ZNF616: variants seen among roughly 807,000 people sequenced by gnomAD.
The protein encoded by ZNF616 is zinc finger protein 616.
Under a neutral mutation model 7.6 loss-of-function variants are expected in ZNF616, and 5 were observed. That is an observed-to-expected ratio of 0.66 (90% CI 0.34 to 1.38). ZNF616 has a LOEUF of 1.38. Ranked by LOEUF, ZNF616 falls within the 40% of genes most tolerant of loss-of-function variation. The pLI is 0.04. For synonymous variants in ZNF616, 319 were observed against 317.2 expected (o/e 1.01, Z -0.06); for missense variants, 913 against 948.3 (o/e 0.96, Z 0.49).
chr19:52,118,624 GA>G (rs1354858803), intron 3 of ZNF616, among the ~76,000 whole-genome samples: 1 of 152,202 alleles, frequency 6.6e-6, no homozygotes, highest in East Asian at 1.9e-4. Context: ...CCAGATCTGT[GA>G]AAAGGGAATT....
rs189286622 is a variant in ZNF616, at chr19:52,137,284, G to T, written c.-77+2448C>A. On this transcript the variant is annotated intron_variant, in intron 1 of 3. Coordinates refer to ENST00000600228, the MANE Select transcript of ZNF616 (RefSeq NM_178523.5). ...AAAAAATACAAAAAATTAGCCGGGC[G>T]TGGTGGCGGGTGCCTATAGTCCCAG... 3.3e-5 allele frequency among the ~76,000 whole-genome samples: 5 copies of T among 151,782 alleles called. No homozygotes were observed. The East Asian group carries it at 9.7e-4, about 29-fold the overall frequency.
intron 1 of ZNF616, among the ~76,000 whole-genome samples, chr19:52,136,298 T>C (rs892768733): frequency 1.3e-5 from 2 of 151,996 alleles, no homozygotes; most frequent in Non-Finnish European, 2.9e-5. Context: ...CTGACCAACA[T>C]GGTGAAACCC....
rs766664801 is a variant in ZNF616 at position 52,115,635 on chromosome 19, A to G, written c.1529T>C (p.Val510Ala). 3 of 1,613,392 alleles carry G rather than the reference A, an allele frequency of 1.9e-6. No homozygotes were observed. In the Admixed American group the frequency reaches 5.0e-5, roughly 27 times the overall value. ...CTCTCCAGTATGAATTCTCCGATGC[A>G]CTGCAAGACGTGAATGTTGACTGAA... is the stretch of plus-strand genomic sequence containing the variant. ...KVFSQHSRLAVHRRIHTGEKP... is the reference protein window; with the variant it reads ...KVFSQHSRLAAHRRIHTGEKP... The change falls in exon 4 of 4, where the codon GTG (valine) becomes GCG (alanine). Residue 510 changes from valine (V) to alanine (A), a missense_variant. By Grantham distance (64) the Val-to-Ala change is moderately conservative. Coordinates refer to ENST00000600228, the MANE Select transcript of ZNF616 (RefSeq NM_178523.5).
Position 52,114,730 on chromosome 19 carries a change from T to C in ZNF616, c.*88A>G. The C allele has an allele frequency of 6.9e-7, 1 of 1,451,406 alleles. No individual in the cohort carries two copies. Among genetic ancestry groups the C allele is most frequent in the South Asian group, 1.4e-5 (1 of 70,702 alleles). 89.9% of individuals were successfully genotyped at this position (1,451,406 alleles called of 1,614,324 possible). On this transcript the variant is annotated 3_prime_UTR_variant, in exon 4 of 4. Coordinates refer to ENST00000600228, the MANE Select transcript of ZNF616 (RefSeq NM_178523.5). ...CACCTCCAATACTGGAGATTACAAT[T>C]CCACAGGGATTTCAAGAGAAGGGGT...
chr19:52,128,944 A>T (rs1374287757), intron 2 of ZNF616, among the ~76,000 whole-genome samples: 3 of 151,722 alleles, frequency 2.0e-5, no homozygotes, highest in Non-Finnish European at 4.4e-5. Context: ...CAGAACAGCT[A>T]AAATCTCATT....
Position 52,115,729 on chromosome 19 carries a change from G to A in ZNF616, c.1435C>T (p.Arg479Ter), listed in dbSNP as rs146384479. The A allele has an allele frequency of 2.7e-4, 437 of 1,610,530 alleles. No homozygotes were observed. The highest frequency in any genetic ancestry group is 9.9e-4 in the Middle Eastern group (6 of 6,036). ...TGAATTCTCTGATGAGCTGCAAGTC[G>A]TGAATGTATGCTGAAAACTTTGCCA... is the stretch of plus-strand genomic sequence containing the variant. ...ECGKVFSIHS[R>*]LAAHQRIHTG... Residue 479 changes from arginine (R) to a stop codon, truncating the protein, a stop_gained, in exon 4 of 4, where the codon CGA becomes TGA. Transcript: ENST00000600228. LOFTEE classifies it low-confidence loss of function (END_TRUNC).
chr19:52,116,673 T>A lies in ZNF616; in HGVS notation c.491A>T (p.Asn164Ile). Residue 164 changes from asparagine (N) to isoleucine (I), a missense_variant, in exon 4 of 4, where the codon AAT becomes ATT. Asn to Ile is a moderately radical substitution (Grantham distance 149, BLOSUM62 -3). Coordinates refer to ENST00000600228, the MANE Select transcript of ZNF616 (RefSeq NM_178523.5). ...VQTEGRLYECNETEKTGNNGC... is the reference protein window; with the variant it reads ...VQTEGRLYECIETEKTGNNGC... ...ATTATTACCTGTCTTCTCCGTTTCA[T>A]TACATTCATAAAGTCTCCCTTCAGT... 1 of 1,614,186 alleles carries A rather than the reference T, an allele frequency of 6.2e-7. No individual in the cohort carries two copies. Among genetic ancestry groups the A allele is most frequent in the Non-Finnish European group, 8.5e-7 (1 of 1,180,032 alleles).
intron 1 of ZNF616, among the ~76,000 whole-genome samples, chr19:52,130,873 T>A (rs1456843042): frequency 6.6e-6 from 1 of 152,204 alleles, no homozygotes; most frequent in Non-Finnish European, 1.5e-5. Flanking sequence ...TCAAACCCCA[T>A]GCAGCGCACA....
In ZNF616 at chr19:52,139,684, A is replaced by T. The variant is rs2089041684; in HGVS notation, c.-77+48T>A. ...GGCAGAAAGGCAGGGGGCAAGGAACAGCCTGAGAGAGATTTTAAACCGACA... is the reference window on the plus strand; with the variant it reads ...GGCAGAAAGGCAGGGGGCAAGGAACTGCCTGAGAGAGATTTTAAACCGACA... On this transcript the variant is annotated intron_variant, in intron 1 of 3. Coordinates refer to ENST00000600228, the MANE Select transcript of ZNF616 (RefSeq NM_178523.5). The surrounding 1 kb of genome is among the most constrained non-coding windows in gnomAD (Gnocchi z 4.1). 6.6e-6 allele frequency: 1 copy of T among 152,310 alleles called. No homozygotes were observed. The highest frequency in any genetic ancestry group is 1.5e-5 in the Non-Finnish European group (1 of 68,104). 9.4% of individuals were successfully genotyped at this position (152,310 alleles called of 1,614,324 possible). A position where few individuals can be genotyped will look rare whatever the true frequency, so the allele number is the denominator to read the frequency against.
In ZNF616 at chr19:52,116,073, T is replaced by C; in HGVS notation, c.1091A>G (p.His364Arg). 6.2e-7 allele frequency: 1 copy of C among 1,614,248 alleles called. No individual in the cohort carries two copies. Among genetic ancestry groups the C allele is most frequent in the African/African-American group, 1.3e-5 (1 of 75,058 alleles). The change falls in exon 4 of 4, where the codon CAT becomes CGT. Residue 364 changes from histidine to arginine, a missense_variant. His to Arg is a conservative substitution (Grantham distance 29). Coordinates refer to ENST00000600228, the MANE Select transcript of ZNF616 (RefSeq NM_178523.5). ...CCGGTGACATACAAGATTTGATCTA[T>C]GTCTGAATGCCTTGCCACATACATC... ...KCDVCGKAFRHRSNLVCHRRI... is the reference protein window; with the variant it reads ...KCDVCGKAFRRRSNLVCHRRI...
Position 52,116,802 on chromosome 19 carries a change from C to G in ZNF616, c.362G>C (p.Gly121Ala), listed in dbSNP as rs1042870253. 6.2e-7 allele frequency: 1 copy of G among 1,613,826 alleles called. No individual in the cohort carries two copies. The highest frequency in any genetic ancestry group is 1.6e-4 in the Middle Eastern group (1 of 6,080). The change falls in exon 4 of 4, where the codon GGT becomes GCT. Residue 121 changes from glycine to alanine, a missense_variant. Transcript: ENST00000600228. ...VPVPHENNLT[G>A]KRDQHSQGDV... ...CCCTTGACTATGTTGATCTCTTTTA[C>G]CAGTAAGATTGTTTTCATGGGGCAC...
rs947377631 is a variant in ZNF616, at chr19:52,113,941, A to G, written c.*877T>C. On this transcript the variant is annotated 3_prime_UTR_variant, in exon 4 of 4. Coordinates refer to ENST00000600228, the MANE Select transcript of ZNF616 (RefSeq NM_178523.5). ...ATTTATTTGGAAGGTTGTCTCTAGT[A>G]TGAATACTCTTTCCATTTTGATGTT... 3 of 152,160 alleles carry G rather than the reference A, an allele frequency of 2.0e-5. No homozygotes were observed. Among genetic ancestry groups the G allele is most frequent in the African/African-American group, 7.2e-5 (3 of 41,438 alleles). 9.4% of individuals were successfully genotyped at this position (152,160 alleles called of 1,614,324 possible).
Position 52,139,256 on chromosome 19 carries a change from AAGG to A in ZNF616, c.-77+473_-77+475del, listed in dbSNP as rs1047954104. On this transcript the variant is annotated intron_variant, in intron 1 of 3. Coordinates refer to ENST00000600228, the MANE Select transcript of ZNF616 (RefSeq NM_178523.5). The surrounding 1 kb of genome is among the most constrained non-coding windows in gnomAD (Gnocchi z 4.1). ...TTTTCCAGTGGAGTAAAAATTTGGG[AAGG>A]AACGACAGTGGGTGTCACAAGACAG... Among the ~76,000 whole-genome samples, 4 of 152,074 alleles carry A rather than the reference AAGG, an allele frequency of 2.6e-5. No individual in the cohort carries two copies. Among genetic ancestry groups the A allele is most frequent in the African/African-American group, 9.7e-5 (4 of 41,386 alleles).
At chr19:52,134,136 T>C (rs1246529688) in intron 1 of ZNF616, among the ~76,000 whole-genome samples, 4 of 152,164 alleles carry the variant, frequency 2.6e-5, no homozygotes, top group South Asian at 2.1e-4. Flanking sequence ...TCTCTCATGC[T>C]AAACGCCACA....
rs2088805938 is a variant in ZNF616, at chr19:52,115,073, T to G, written c.2091A>C (p.Val697=). 1 of 1,614,022 alleles carries G rather than the reference T, an allele frequency of 6.2e-7. No individual in the cohort carries two copies. Among genetic ancestry groups the G allele is most frequent in the Non-Finnish European group, 8.5e-7 (1 of 1,180,026 alleles). Residue 697 remains valine, a synonymous_variant, in exon 4 of 4, where the codon GTA becomes GTC. Transcript: ENST00000600228. Reference sequence around the variant, plus strand: ...TTACAAGATGTGAACTATGCCTGAATACCTTGCCACATTCATCACATTTAT... The same window carrying G: ...TTACAAGATGTGAACTATGCCTGAAGACCTTGCCACATTCATCACATTTAT... ...KPYKCDECGK[V]FRHSSHLVSH...
intron 2 of ZNF616, among the ~76,000 whole-genome samples, chr19:52,130,289 C>T (rs1287415901): frequency 6.6e-6 from 1 of 152,118 alleles, no homozygotes; most frequent in Non-Finnish European, 1.5e-5. Flanking sequence ...GCAGCCTCTT[C>T]CCAAGTTCAT....
At chr19:52,129,142 G>A (rs895570351) in intron 2 of ZNF616, among the ~76,000 whole-genome samples, 2 of 152,046 alleles carry the variant, frequency 1.3e-5, no homozygotes, top group Non-Finnish European at 2.9e-5. Flanking sequence ...GCCAGGCGTG[G>A]TGGTGCACGC....
intron 1 of ZNF616, among the ~76,000 whole-genome samples, chr19:52,137,053 G>GTATATATATATATATATA (rs35226169): frequency 4.5e-4 from 64 of 143,740 alleles, no homozygotes; most frequent in South Asian, 3.5e-3. Flanking sequence ...TTATGTATGT[G>GTATATATATATATATATA]TATATATATA....
Position 52,139,459 on chromosome 19 carries a change from GAGA to G in ZNF616, c.-77+270_-77+272del, listed in dbSNP as rs781077541. 8.5e-5 allele frequency among the ~76,000 whole-genome samples: 13 copies of G among 152,268 alleles called. No individual in the cohort carries two copies. Among genetic ancestry groups the G allele is most frequent in the African/African-American group, 1.4e-4 (6 of 41,572 alleles). ...GGGTCTGCAGAATCCCAGGACCTGG[GAGA>G]AGAAGCGGCTCCTTCAGGAGCTGGG... On this transcript the variant is annotated intron_variant, in intron 1 of 3. Transcript: ENST00000600228. This position sits in a 1 kb window ranked among gnomAD's most constrained non-coding sequence, Gnocchi z 4.1.
Sources: allele counts gnomAD v4.1 joint callset (sites outside exome capture counted in the v4.1 genomes callset), GRCh38; gene constraint gnomAD v4.1.1; non-coding constraint Gnocchi (gnomAD v3.1); transcripts MANE v1.5; gene names NCBI Gene and HGNC (gene_info 2026-07-23, HGNC 2026-07-21).